Variants in SLC38A1 observed in about 807,000 individuals in gnomAD.
The protein encoded by SLC38A1 is solute carrier family 38 member 1.
Under a neutral mutation model 60.3 loss-of-function variants are expected in SLC38A1, and 18 were observed. The ratio of observed to expected loss-of-function variants is 0.30; its 90% CI spans 0.21 to 0.44. The LOEUF (loss-of-function observed/expected upper bound fraction) is 0.44, where lower values mean the gene tolerates loss of function less well. Among genes scored for constraint, SLC38A1 ranks in the 20% least tolerant of loss-of-function variants. The probability of loss-of-function intolerance (pLI) is 1.00; values close to 1 mark genes in which losing one functional copy is unlikely to be tolerated. For missense variants in SLC38A1, 448 were observed against 587.2 expected (o/e 0.76, Z 2.45); for synonymous variants, 196 against 212.1 (o/e 0.92, Z 0.66).
chr12:46,198,541 G>A, intron 14 of SLC38A1, 84 bp downstream of exon 14: 3 of 886,706 alleles, frequency 3.4e-6, no homozygotes, highest in Non-Finnish European at 5.2e-6. Context: ...ACCTGGGGCA[G>A]GCTTTCTCTG....
At chr12:46,246,738 G>A (rs148085986) in intron 1 of SLC38A1, among the ~76,000 whole-genome samples, 1,674 of 152,316 alleles carry the variant, frequency 0.011, 12 homozygotes, top group Non-Finnish European at 0.018. Flanking sequence ...TAGCCTAACT[G>A]GGAGACACCT....
In SLC38A1 at chr12:46,188,813, C is replaced by T; in HGVS notation, c.*157G>A. ...GGAGGGACATGAAGCATTATAGAAC[C>T]ATGTCTCTGTTTTGCAACCAAAAAG... On this transcript the variant is annotated 3_prime_UTR_variant, in exon 17 of 17. Coordinates refer to ENST00000398637, the MANE Select transcript of SLC38A1 (RefSeq NM_030674.4). 1.7e-6 allele frequency: 1 copy of T among 572,596 alleles called. No individual in the cohort carries two copies. Among genetic ancestry groups the T allele is most frequent in the Non-Finnish European group, 3.1e-6 (1 of 323,016 alleles). 35.5% of individuals were successfully genotyped at this position (572,596 alleles called of 1,614,324 possible).
intron 5 of SLC38A1, among the ~76,000 whole-genome samples, chr12:46,228,886 A>G (rs745403541): frequency 3.3e-5 from 5 of 152,228 alleles, no homozygotes; most frequent in Non-Finnish European, 7.3e-5. Flanking sequence ...TACCAAAAAA[A>G]GTTATTTTCA....
intron 5 of SLC38A1, among the ~76,000 whole-genome samples, chr12:46,211,217 G>A (rs919830142): frequency 4.6e-5 from 7 of 152,200 alleles, no homozygotes; most frequent in African/African-American, 9.7e-5. Context: ...TGGCACAGAA[G>A]AGCACAGGCT....
intron 16 of SLC38A1, among the ~76,000 whole-genome samples, chr12:46,194,750 G>A (rs921864543): frequency 6.6e-6 from 1 of 152,110 alleles, no homozygotes; most frequent in Non-Finnish European, 1.5e-5. Flanking sequence ...GAGTCTCGAA[G>A]TTCTTGTGCT....
chr12:46,208,578 G>A (rs1940011733), intron 6 of SLC38A1, among the ~76,000 whole-genome samples: 1 of 152,130 alleles, frequency 6.6e-6, no homozygotes, highest in African/African-American at 2.4e-5. Context: ...AAACACTTCA[G>A]GTATTACACT....
chr12:46,218,243 C>T (rs1169767748), intron 5 of SLC38A1, among the ~76,000 whole-genome samples: 4 of 152,090 alleles, frequency 2.6e-5, no homozygotes, highest in Admixed American at 6.6e-5. Flanking sequence ...GATGTGTCCT[C>T]GTTCCTCTTT....
At chr12:46,209,248 T>A (rs538150890) in intron 5 of SLC38A1, 121 bp from the exon 6 acceptor site, 1 of 613,284 alleles carries the variant, frequency 1.6e-6, no homozygotes, top group East Asian at 3.2e-5. Context: ...GTATCCAAAT[T>A]TTGGAACCTA....
chr12:46,229,059 T>C, intron 5 of SLC38A1, 94 bp downstream of exon 5: 1 of 681,522 alleles, frequency 1.5e-6, no homozygotes, highest in South Asian at 2.3e-5. Flanking sequence ...ATAAAAAAAC[T>C]ATTTATAAAT....
intron 1 of SLC38A1, among the ~76,000 whole-genome samples, chr12:46,255,329 C>A (rs1941984870): frequency 6.6e-6 from 1 of 152,194 alleles, no homozygotes; most frequent in Admixed American, 6.5e-5. Context: ...ACATACAGAT[C>A]ATGAGAAGGT....
chr12:46,190,666 T>A (rs1314205247), intron 16 of SLC38A1, among the ~76,000 whole-genome samples: 2 of 152,240 alleles, frequency 1.3e-5, no homozygotes, highest in African/African-American at 4.8e-5. Context: ...TGGTTTTGAT[T>A]TGCATTTCTC....
At chr12:46,189,254 TGGGAAAATAG>T in intron 16 of SLC38A1, among the ~76,000 whole-genome samples, 183 bp from the exon 17 acceptor site, 1 of 150,282 alleles carries the variant, frequency 6.7e-6, no homozygotes, top group South Asian at 2.1e-4. Context: ...TCTGCAAGGA[TGGGAAAATAG>T]GAAAAAAAAA....
intron 6 of SLC38A1, 44 bp from the exon 7 acceptor site, chr12:46,207,665 C>A (rs756139631): frequency 3.9e-6 from 6 of 1,555,832 alleles, no homozygotes; most frequent in South Asian, 1.1e-5. Context: ...TGACAGGGTT[C>A]AGAAAGTTAA....
chr12:46,212,429 A>T (rs1043340114), intron 5 of SLC38A1, among the ~76,000 whole-genome samples: 4 of 152,220 alleles, frequency 2.6e-5, no homozygotes, highest in Non-Finnish European at 4.4e-5. Context: ...GCGTACTTAC[A>T]TGGGGACTAC....
At position 46,197,988 on chromosome 12, in the gene SLC38A1, T is replaced by C; in HGVS notation, c.1195A>G (p.Ile399Val). Residue 399 changes from isoleucine to valine, a missense_variant, in exon 15 of 17, where the codon ATA (isoleucine) becomes GTA (valine). Around this residue, in one of 2 missense-constraint regions of SLC38A1, gnomAD observed 346 missense variants for 497.5 expected, o/e 0.70. Coordinates refer to ENST00000398637, the MANE Select transcript of SLC38A1 (RefSeq NM_030674.4). Reference sequence around the variant, plus strand: ...AACAAGTTGATAACAACCAAGAGTATGCAGGTAACCACGGTATGACGACAT... The same window carrying C: ...AACAAGTTGATAACAACCAAGAGTACGCAGGTAACCACGGTATGACGACAT... ...NLCRHTVVTCILLVVINLLVI... is the reference protein window; with the variant it reads ...NLCRHTVVTCVLLVVINLLVI... 1.2e-6 allele frequency: 2 copies of C among 1,614,030 alleles called. No homozygotes were observed. The highest frequency in any genetic ancestry group is 1.1e-5 in the South Asian group (1 of 91,084).
chr12:46,193,272 T>A (rs995307146), intron 16 of SLC38A1, among the ~76,000 whole-genome samples: 25 of 152,338 alleles, frequency 1.6e-4, no homozygotes, highest in Middle Eastern at 3.4e-3. Flanking sequence ...TGAGTTCTAA[T>A]TTGATTGCAC....
At chr12:46,259,754 T>C (rs1295570002) in intron 1 of SLC38A1, among the ~76,000 whole-genome samples, 2 of 152,202 alleles carry the variant, frequency 1.3e-5, no homozygotes, top group Admixed American at 6.5e-5. Context: ...GTCCTGGCTC[T>C]TCTGCTAGGA....
At chr12:46,197,579 C>G in intron 16 of SLC38A1, 141 bp downstream of exon 16, 2 of 641,458 alleles carry the variant, frequency 3.1e-6, no homozygotes, top group South Asian at 3.7e-5. Flanking sequence ...TTTTAAATAT[C>G]TCCCAAGTAG....
intron 5 of SLC38A1, among the ~76,000 whole-genome samples, chr12:46,227,145 G>T (rs946310981): frequency 1.3e-5 from 2 of 151,862 alleles, no homozygotes; most frequent in African/African-American, 4.8e-5. Context: ...GAAGGAAATA[G>T]AGCAATACCT....
Sources: gnomAD v4.1 joint callset for allele counts (sites outside exome capture counted in the v4.1 genomes callset) on GRCh38, gnomAD v4.1.1 for gene constraint, gnomAD v4.1.1 regional missense constraint, MANE v1.5 for transcripts, NCBI Gene and HGNC (gene_info 2026-07-23, HGNC 2026-07-21) for gene names.